UTRN: variants seen among roughly 807,000 people sequenced by gnomAD.
The protein encoded by UTRN is utrophin.
Under a neutral mutation model 463.9 loss-of-function variants are expected in UTRN, and 283 were observed. The observed-to-expected ratio is 0.61, with a 90% CI of 0.55 to 0.67. UTRN has a LOEUF of 0.67. Ranked by LOEUF, UTRN falls within the 30% of genes least tolerant of loss-of-function variation. The pLI, the probability that UTRN is intolerant of heterozygous loss-of-function variation, is 0.00. For missense variants in UTRN, 3,922 were observed against 4,084.3 expected (o/e 0.96, Z 1.08); for synonymous variants, 1,442 against 1,431.5 (o/e 1.01, Z -0.17).
intron 44 of UTRN, among the ~76,000 whole-genome samples, 177 bp from the exon 45 acceptor site, chr6:144,539,117 A>G (rs1306873632): frequency 1.3e-5 from 2 of 152,188 alleles, no homozygotes; most frequent in African/African-American, 4.8e-5. Flanking sequence ...GCATGTGCTC[A>G]CTCCCTTCCT....
At chr6:144,426,587 C>A in intron 7 of UTRN, 128 bp downstream of exon 7, 1 of 954,260 alleles carries the variant, frequency 1.0e-6, no homozygotes, top group Non-Finnish European at 1.4e-6. Flanking sequence ...ACATGTTCTA[C>A]CAAAACCTTA....
chr6:144,675,014 T>C (rs1482990542), intron 51 of UTRN, among the ~76,000 whole-genome samples: 2 of 152,242 alleles, frequency 1.3e-5, no homozygotes, highest in African/African-American at 4.8e-5. Context: ...ATCTTTTGAG[T>C]GTGTTATAGA....
At chr6:144,459,095 A>G in intron 20 of UTRN, 79 bp from the exon 21 acceptor site, 1 of 1,564,854 alleles carries the variant, frequency 6.4e-7, no homozygotes, top group Non-Finnish European at 8.7e-7. Context: ...ATGAACTTTA[A>G]GTTAATGCTG....
chr6:144,577,430 T>G, intron 51 of UTRN, 142 bp downstream of exon 51: 2 of 853,238 alleles, frequency 2.3e-6, no homozygotes, highest in Non-Finnish European at 1.7e-6. Context: ...GAATAATAGG[T>G]TTCTTGAAAT....
chr6:144,742,265 A>T (rs1310151344), intron 54 of UTRN, among the ~76,000 whole-genome samples: 1 of 152,166 alleles, frequency 6.6e-6, no homozygotes, highest in South Asian at 2.1e-4. Flanking sequence ...AGAAGCACTA[A>T]TCAGCCGTGG....
At chr6:144,631,597 C>CT (rs1776530432) in intron 51 of UTRN, among the ~76,000 whole-genome samples, 1 of 152,062 alleles carries the variant, frequency 6.6e-6, no homozygotes, top group African/African-American at 2.4e-5. Flanking sequence ...ATTGTGGTAA[C>CT]TTAACAGGTA....
Position 144,516,796 on chromosome 6 carries a change from C to A in UTRN, c.5404-15C>A. On this transcript the variant is annotated splice_polypyrimidine_tract_variant and intron_variant, in intron 38 of 74. Transcript: ENST00000367545. ...TTTCTTTTGAGTCATTTTTTTTTTC[C>A]TTTTAAAAATTTAGATGGATGAGGA... 1 of 1,407,050 alleles carries A rather than the reference C, an allele frequency of 7.1e-7. No individual in the cohort carries two copies. The highest frequency in any genetic ancestry group is 9.3e-7 in the Non-Finnish European group (1 of 1,081,048). 87.2% of individuals were successfully genotyped at this position (1,407,050 alleles called of 1,614,324 possible).
chr6:144,522,180 C>T lies in UTRN; in HGVS notation c.5733+9C>T, dbSNP rs766044308. 7 of 1,494,286 alleles carry T rather than the reference C, an allele frequency of 4.7e-6. No individual in the cohort carries two copies. The Admixed American group carries it at 1.3e-4, about 28-fold the overall frequency. The allele number at this position is 1,494,286 out of a possible 1,614,324, so 92.6% of individuals were successfully genotyped here. On this transcript the variant is annotated intron_variant, in intron 40 of 74. Transcript: ENST00000367545. Reference sequence around the variant, plus strand: ...AGGAAGACTCTCTGAAGGTAGACCTCTGGGCACTGTGTTTGAATGGCCACA... The same window carrying T: ...AGGAAGACTCTCTGAAGGTAGACCTTTGGGCACTGTGTTTGAATGGCCACA...
chr6:144,602,390 TG>T (rs1804350878), intron 51 of UTRN, among the ~76,000 whole-genome samples: 1 of 152,022 alleles, frequency 6.6e-6, no homozygotes, highest in Non-Finnish European at 1.5e-5. Context: ...CCACCCGCCT[TG>T]GCCTCCTAAA....
intron 41 of UTRN, among the ~76,000 whole-genome samples, chr6:144,523,434 C>T (rs999261354): frequency 2.6e-5 from 4 of 152,120 alleles, no homozygotes; most frequent in Non-Finnish European, 5.9e-5. Flanking sequence ...CTCAGCTTCC[C>T]AAGTAGCTGG....
intron 43 of UTRN, among the ~76,000 whole-genome samples, chr6:144,534,662 G>A (rs1797372338): frequency 6.6e-6 from 1 of 152,098 alleles, no homozygotes; most frequent in Admixed American, 6.6e-5. Context: ...TGACTTGATC[G>A]ATATTTATTG....
chr6:144,294,947 G>C (rs926502240), intron 2 of UTRN, among the ~76,000 whole-genome samples: 2 of 152,166 alleles, frequency 1.3e-5, no homozygotes, highest in Non-Finnish European at 2.9e-5. Flanking sequence ...GTGAGTGTTA[G>C]AAAGGAACTG....
At chr6:144,525,373 G>T (rs1195662225) in intron 41 of UTRN, among the ~76,000 whole-genome samples, 1 of 151,896 alleles carries the variant, frequency 6.6e-6, no homozygotes, top group African/African-American at 2.4e-5. Context: ...GCTTGTTATT[G>T]GTCTGTTTAG....
chr6:144,408,251 A>T (rs1011510543), intron 3 of UTRN, among the ~76,000 whole-genome samples: 16 of 152,198 alleles, frequency 1.1e-4, no homozygotes, highest in Admixed American at 8.5e-4. Flanking sequence ...CTTCCATTGT[A>T]TGGTGTGTAT....
chr6:144,606,534 A>C (rs1228752926), intron 51 of UTRN, among the ~76,000 whole-genome samples: 3 of 152,208 alleles, frequency 2.0e-5, no homozygotes, highest in Non-Finnish European at 4.4e-5. Context: ...GTTTGCATGA[A>C]TGCCTTGTAT....
intron 48 of UTRN, 78 bp downstream of exon 48, chr6:144,551,160 C>CAT: frequency 1.2e-6 from 1 of 835,800 alleles, no homozygotes; most frequent in African/African-American, 1.7e-5. Context: ...CACACACACA[C>CAT]ACACACACAA....
chr6:144,451,288 A>G, intron 17 of UTRN, 82 bp from the exon 18 acceptor site: 1 of 1,497,522 alleles, frequency 6.7e-7, no homozygotes, highest in Non-Finnish European at 9.0e-7. Flanking sequence ...ATTCCTGATG[A>G]GCATTTGAGT....
intron 25 of UTRN, among the ~76,000 whole-genome samples, chr6:144,477,693 A>T (rs1197165727): frequency 6.6e-6 from 1 of 152,128 alleles, no homozygotes; most frequent in Non-Finnish European, 1.5e-5. Flanking sequence ...CTATGATCAC[A>T]CTTAAGAAAC....
intron 53 of UTRN, among the ~76,000 whole-genome samples, chr6:144,716,215 T>G (rs1436342795): frequency 6.6e-6 from 1 of 152,052 alleles, no homozygotes; most frequent in Non-Finnish European, 1.5e-5. Context: ...CTTTAATTGT[T>G]GAGATAGCTT....
Sources: allele counts gnomAD v4.1 joint callset (sites outside exome capture counted in the v4.1 genomes callset), GRCh38; gene constraint gnomAD v4.1.1; transcripts MANE v1.5; gene names NCBI Gene and HGNC (gene_info 2026-07-23, HGNC 2026-07-21).